Variants in TMTC1 observed in about 807,000 individuals in gnomAD.
TMTC1 encodes the protein protein O-mannosyl-transferase TMTC1.
TMTC1 carries 73 observed loss-of-function variants against 104.8 expected under a neutral mutation model. The ratio of observed to expected loss-of-function variants is 0.70; its 90% confidence interval spans 0.58 to 0.85. The LOEUF (loss-of-function observed/expected upper bound fraction) is 0.85, where lower values mean the gene tolerates loss of function less well. TMTC1 is among the 40% of genes least tolerant of loss of function. The probability of loss-of-function intolerance (pLI) is 0.00; values close to 1 mark genes in which losing one functional copy is unlikely to be tolerated. For synonymous variants in TMTC1, 434 were observed against 428.7 expected (o/e 1.01, Z -0.15); for missense variants, 1,035 against 1,096.1 (o/e 0.94, Z 0.79).
intron 5 of TMTC1, among the ~76,000 whole-genome samples, chr12:29,708,127 T>C (rs1414996068): frequency 1.3e-5 from 2 of 152,296 alleles, no homozygotes; most frequent in African/African-American, 4.8e-5. Flanking sequence ...AGACAAGCCT[T>C]GACCTCCAGA....
At chr12:29,714,671 G>A (rs1942029487) in intron 5 of TMTC1, among the ~76,000 whole-genome samples, 1 of 152,214 alleles carries the variant, frequency 6.6e-6, no homozygotes, top group African/African-American at 2.4e-5. Context: ...CCCTGGATTT[G>A]TGGACCACAG....
At chr12:29,696,187 C>T (rs1377827690) in intron 5 of TMTC1, among the ~76,000 whole-genome samples, 2 of 152,120 alleles carry the variant, frequency 1.3e-5, no homozygotes, top group African/African-American at 4.8e-5. Flanking sequence ...TTATTTCGTT[C>T]CTGCACACCT....
chr12:29,702,348 G>C (rs978305471), intron 5 of TMTC1, among the ~76,000 whole-genome samples: 1 of 152,164 alleles, frequency 6.6e-6, no homozygotes, highest in South Asian at 2.1e-4. Flanking sequence ...AAAACTTGTC[G>C]GGCTCAGATG....
chr12:29,713,384 G>A (rs1941991003), intron 5 of TMTC1, among the ~76,000 whole-genome samples: 1 of 150,692 alleles, frequency 6.6e-6, no homozygotes, highest in African/African-American at 2.4e-5. Context: ...AGTTTCTCTG[G>A]AGAACACAAA....
intron 9 of TMTC1, among the ~76,000 whole-genome samples, chr12:29,557,805 A>G (rs1945283933): frequency 6.6e-6 from 1 of 152,196 alleles, no homozygotes; most frequent in South Asian, 2.1e-4. Flanking sequence ...AGAAAGGATG[A>G]TATATAATGT....
chr12:29,523,175 C>T (rs888361053), intron 11 of TMTC1, among the ~76,000 whole-genome samples: 4 of 152,180 alleles, frequency 2.6e-5, no homozygotes, highest in African/African-American at 9.7e-5. Flanking sequence ...TCACGAACAC[C>T]ATTGTTAAAA....
chr12:29,688,243 G>T (rs1053287601), intron 5 of TMTC1, among the ~76,000 whole-genome samples: 9 of 152,118 alleles, frequency 5.9e-5, no homozygotes, highest in African/African-American at 2.2e-4. Flanking sequence ...AGAAAATCCA[G>T]AAAGTTCTTA....
At chr12:29,639,179 C>T (rs1938711643) in intron 5 of TMTC1, among the ~76,000 whole-genome samples, 1 of 152,176 alleles carries the variant, frequency 6.6e-6, no homozygotes, top group Non-Finnish European at 1.5e-5. Flanking sequence ...CGCTGCATTG[C>T]TGGTGAGAAC....
intron 1 of TMTC1, among the ~76,000 whole-genome samples, chr12:29,771,789 G>C (rs149097983): frequency 2.0e-5 from 3 of 152,228 alleles, no homozygotes; most frequent in African/African-American, 7.2e-5. Context: ...TAAGGGGGGA[G>C]GGAAGACCCT....
rs142085564 is a variant in TMTC1 at position 29,678,851 on chromosome 12, GA to G, written c.939-45516del. ...ATGTGAATATGGCTACCATGAAATG[GA>G]AAAAAAAATCATGGACTTCCCATGG... On this transcript the variant is annotated intron_variant, in intron 5 of 17. Coordinates refer to ENST00000539277, the MANE Select transcript of TMTC1 (RefSeq NM_001193451.2). 2.0e-5 allele frequency among the ~76,000 whole-genome samples: 3 copies of G among 150,386 alleles called. No individual in the cohort carries two copies. In the East Asian group the frequency reaches 5.8e-4, roughly 29 times the overall value.
chr12:29,561,922 T>TA (rs1402069742), intron 9 of TMTC1, among the ~76,000 whole-genome samples: 16 of 152,114 alleles, frequency 1.1e-4, no homozygotes, highest in Non-Finnish European at 2.1e-4. Context: ...GTTGAGAAAA[T>TA]AAGAGTCCAA....
intron 5 of TMTC1, among the ~76,000 whole-genome samples, chr12:29,670,599 A>G (rs11050352): frequency 0.55 from 84,201 of 151,848 alleles, 23,576 homozygotes; most frequent in African/African-American, 0.63. Flanking sequence ...CTATTCTCAC[A>G]GATGTTTGTA....
intron 5 of TMTC1, among the ~76,000 whole-genome samples, chr12:29,672,693 A>G (rs1202387475): frequency 6.6e-6 from 1 of 152,138 alleles, no homozygotes; most frequent in African/African-American, 2.4e-5. Context: ...AATAACAACG[A>G]CAATAAATCC....
chr12:29,543,684 A>G (rs1212956918), intron 10 of TMTC1, among the ~76,000 whole-genome samples: 1 of 152,260 alleles, frequency 6.6e-6, no homozygotes, highest in East Asian at 1.9e-4. Flanking sequence ...GTCAAATTGT[A>G]AACGTCTGAC....
intron 5 of TMTC1, among the ~76,000 whole-genome samples, chr12:29,728,397 T>C (rs1942457780): frequency 6.6e-6 from 1 of 152,112 alleles, no homozygotes; most frequent in Non-Finnish European, 1.5e-5. Context: ...GAAACGCCAA[T>C]GGCAGCTAAA....
chr12:29,551,147 A>C (rs1945092378), intron 10 of TMTC1, among the ~76,000 whole-genome samples: 1 of 152,142 alleles, frequency 6.6e-6, no homozygotes, highest in Non-Finnish European at 1.5e-5. Flanking sequence ...GAAAATGCTC[A>C]TCTGAAGCTG....
intron 9 of TMTC1, among the ~76,000 whole-genome samples, chr12:29,567,195 G>C (rs1005599926): frequency 6.6e-6 from 1 of 152,184 alleles, no homozygotes; most frequent in South Asian, 2.1e-4. Flanking sequence ...TGGTGTTCCC[G>C]AGGGTGCTCC....
chr12:29,737,664 T>A (rs116218458), intron 5 of TMTC1, among the ~76,000 whole-genome samples: 1 of 152,142 alleles, frequency 6.6e-6, no homozygotes, highest in Non-Finnish European at 1.5e-5. Context: ...GAAAACACCA[T>A]AAGGGCTTGA....
intron 5 of TMTC1, among the ~76,000 whole-genome samples, chr12:29,744,153 T>G (rs2136951976): frequency 6.6e-6 from 1 of 152,352 alleles, no homozygotes; most frequent in Non-Finnish European, 1.5e-5. Flanking sequence ...ATGCCTAAGC[T>G]TGATTACTCT....
Sources: gnomAD v4.1 joint callset for allele counts (sites outside exome capture counted in the v4.1 genomes callset) on GRCh38, gnomAD v4.1.1 for gene constraint, MANE v1.5 for transcripts, NCBI Gene and HGNC (gene_info 2026-07-23, HGNC 2026-07-21) for gene names.